Variants in FSTL5 observed in about 807,000 individuals in gnomAD.
FSTL5 encodes the protein follistatin-related protein 5.
In FSTL5, 62 loss-of-function variants were observed where a neutral mutation model predicts 89.1. The ratio of observed to expected loss-of-function variants is 0.70; its 90% CI spans 0.57 to 0.86. The LOEUF (loss-of-function observed/expected upper bound fraction) is 0.86. Among genes scored for constraint, FSTL5 ranks in the 40% least tolerant of loss-of-function variants. The pLI, the probability that FSTL5 is intolerant of heterozygous loss-of-function variation, is 0.00. For synonymous variants in FSTL5, 383 were observed against 346.2 expected (o/e 1.11, Z -1.18); for missense variants, 1,057 against 1,001.6 (o/e 1.06, Z -0.75).
chr4:161,612,017 T>C (rs1734673007), intron 7 of FSTL5, among the ~76,000 whole-genome samples: 1 of 152,222 alleles, frequency 6.6e-6, no homozygotes, highest in African/African-American at 2.4e-5. Flanking sequence ...GAGGATCCAC[T>C]GGCAAAAGCC....
At chr4:161,528,993 G>T (rs1357749722) in intron 10 of FSTL5, among the ~76,000 whole-genome samples, 2 of 143,060 alleles carry the variant, frequency 1.4e-5, no homozygotes, top group African/African-American at 5.0e-5. Flanking sequence ...AAATAAATTA[G>T]TCACATTGGC....
chr4:161,811,081 A>AAATATTTATAT (rs1406981450), intron 4 of FSTL5, among the ~76,000 whole-genome samples: 1 of 152,194 alleles, frequency 6.6e-6, no homozygotes, highest in East Asian at 1.9e-4. Context: ...ATAAATAGTG[A>AAATATTTATAT]ACATAAATAA....
intron 4 of FSTL5, among the ~76,000 whole-genome samples, chr4:161,833,703 C>T (rs1158115752): frequency 6.6e-6 from 1 of 151,858 alleles, no homozygotes; most frequent in African/African-American, 2.4e-5. Context: ...AGGATTGCAA[C>T]CCCTGCCTTT....
chr4:162,145,484 C>T (rs1732937397), intron 1 of FSTL5, among the ~76,000 whole-genome samples: 1 of 152,066 alleles, frequency 6.6e-6, no homozygotes, highest in Non-Finnish European at 1.5e-5. Flanking sequence ...GTTTTCCCTA[C>T]ATATGCACTG....
chr4:161,980,768 T>TC (rs1735804636), intron 3 of FSTL5, among the ~76,000 whole-genome samples: 1 of 106,586 alleles, frequency 9.4e-6, no homozygotes, highest in Non-Finnish European at 2.0e-5. Context: ...AAGTAACTTT[T>TC]TTTTTTTTTT....
At chr4:162,147,235 T>C (rs1299755165) in intron 1 of FSTL5, among the ~76,000 whole-genome samples, 1 of 152,172 alleles carries the variant, frequency 6.6e-6, no homozygotes, top group African/African-American at 2.4e-5. Flanking sequence ...GGAATTAGTT[T>C]CTTAGTTTCT....
chr4:161,969,397 G>A (rs1044542743), intron 3 of FSTL5, among the ~76,000 whole-genome samples: 1 of 152,028 alleles, frequency 6.6e-6, no homozygotes, highest in Non-Finnish European at 1.5e-5. Context: ...CAATATAGGC[G>A]AGAGCAGCGA....
At chr4:161,433,567 A>G (rs1033111946) in intron 15 of FSTL5, among the ~76,000 whole-genome samples, 2 of 151,816 alleles carry the variant, frequency 1.3e-5, no homozygotes, top group Admixed American at 1.3e-4. Context: ...TAAAGCAATC[A>G]AACAAGAGAA....
At chr4:161,892,887 G>A (rs1323992940) in intron 4 of FSTL5, among the ~76,000 whole-genome samples, 1 of 151,988 alleles carries the variant, frequency 6.6e-6, no homozygotes, top group African/African-American at 2.4e-5. Flanking sequence ...TATTCAAATA[G>A]TTACATGCAC....
chr4:161,870,197 A>C (rs555231411), intron 4 of FSTL5, among the ~76,000 whole-genome samples: 1 of 152,330 alleles, frequency 6.6e-6, no homozygotes, highest in African/African-American at 2.4e-5. Context: ...GTGGTGCATA[A>C]CACAGTATAT....
intron 13 of FSTL5, among the ~76,000 whole-genome samples, chr4:161,460,534 C>T (rs1209354479): frequency 6.6e-6 from 1 of 152,056 alleles, no homozygotes; most frequent in African/African-American, 2.4e-5. Context: ...ATCCATAATG[C>T]AATGTTCTTC....
chr4:161,571,880 T>G (rs943429068), intron 8 of FSTL5, among the ~76,000 whole-genome samples: 7 of 152,166 alleles, frequency 4.6e-5, no homozygotes, highest in Non-Finnish European at 1.0e-4. Context: ...CTCAGAGAAG[T>G]GACTCTGTGC....
At chr4:161,399,292 C>T (rs1420275797) in intron 15 of FSTL5, among the ~76,000 whole-genome samples, 1 of 152,090 alleles carries the variant, frequency 6.6e-6, no homozygotes, top group East Asian at 1.9e-4. Context: ...GAGCCTACTG[C>T]TGACCTGAAG....
At chr4:161,447,948 C>A (rs1218013794) in intron 15 of FSTL5, among the ~76,000 whole-genome samples, 1 of 152,044 alleles carries the variant, frequency 6.6e-6, no homozygotes, top group Non-Finnish European at 1.5e-5. Flanking sequence ...CTCTGGGAAT[C>A]TAACGATCCC....
chr4:161,399,656 T>A (rs1731119012), intron 15 of FSTL5, among the ~76,000 whole-genome samples: 1 of 152,094 alleles, frequency 6.6e-6, no homozygotes, highest in African/African-American at 2.4e-5. Context: ...ATTCAAAGTT[T>A]ATGGCATTGC....
chr4:161,634,509 A>C (rs1371590366), intron 7 of FSTL5, among the ~76,000 whole-genome samples: 2 of 152,198 alleles, frequency 1.3e-5, no homozygotes, highest in African/African-American at 4.8e-5. Flanking sequence ...TCAACTGACA[A>C]ATGGATAAAG....
At chr4:161,903,950 G>A (rs1022561112) in intron 4 of FSTL5, among the ~76,000 whole-genome samples, 3 of 151,518 alleles carry the variant, frequency 2.0e-5, no homozygotes, top group Non-Finnish European at 1.5e-5. Flanking sequence ...ACTTATAAAA[G>A]TGACATAAAC....
chr4:161,489,563 T>C (rs912804155), intron 12 of FSTL5, among the ~76,000 whole-genome samples: 1 of 152,140 alleles, frequency 6.6e-6, no homozygotes, highest in African/African-American at 2.4e-5. Flanking sequence ...ATCAAAGAAT[T>C]AGATGTGTTT....
intron 4 of FSTL5, among the ~76,000 whole-genome samples, chr4:161,895,220 AATT>A (rs1733117602): frequency 6.6e-6 from 1 of 152,232 alleles, no homozygotes; most frequent in African/African-American, 2.4e-5. Flanking sequence ...CACTGCTTTT[AATT>A]ATTATATTTC....
Sources: allele counts gnomAD v4.1 joint callset (sites outside exome capture counted in the v4.1 genomes callset), GRCh38; gene constraint gnomAD v4.1.1; transcripts MANE v1.5; gene names NCBI Gene and HGNC (gene_info 2026-07-23, HGNC 2026-07-21).